The following ERC2 variants were observed in gnomAD, a reference collection of about 807,000 sequenced individuals.
ERC2 encodes the protein ERC protein 2.
Under a neutral mutation model 114.8 loss-of-function variants are expected in ERC2, and 42 were observed. The ratio of observed to expected loss-of-function variants is 0.37; its 90% CI spans 0.29 to 0.47. The LOEUF is 0.47. ERC2 is among the 20% of genes least tolerant of loss of function. The probability of loss-of-function intolerance (pLI) is 0.99; values close to 1 mark genes in which losing one functional copy is unlikely to be tolerated. For synonymous variants in ERC2, 454 were observed against 425.5 expected, an observed-to-expected ratio of 1.07 and a Z score of -0.82; for missense variants, 939 against 1,150.7, an observed-to-expected ratio of 0.82 and a Z score of 2.66.
chr3:56,142,097 T>A (rs1046931070), intron 5 of ERC2, among the ~76,000 whole-genome samples: 1 of 152,178 alleles, frequency 6.6e-6, no homozygotes, highest in Non-Finnish European at 1.5e-5. Context: ...TACTTACTAA[T>A]CCACTTTTAA....
At chr3:55,609,697 C>T (rs1199931393) in intron 17 of ERC2, among the ~76,000 whole-genome samples, 1 of 152,076 alleles carries the variant, frequency 6.6e-6, no homozygotes, top group Non-Finnish European at 1.5e-5. Flanking sequence ...AGGCCTGCCT[C>T]CTGCTTGCGA....
At chr3:55,891,823 C>T (rs987996327) in intron 13 of ERC2, among the ~76,000 whole-genome samples, 4 of 152,164 alleles carry the variant, frequency 2.6e-5, no homozygotes, top group Admixed American at 1.3e-4. Context: ...GTTATTCTTG[C>T]GGTCCCATGG....
intron 2 of ERC2, among the ~76,000 whole-genome samples, chr3:56,413,329 C>T (rs1422806030): frequency 6.6e-6 from 1 of 152,232 alleles, no homozygotes; most frequent in Non-Finnish European, 1.5e-5. Flanking sequence ...TATTCTTTCA[C>T]TTCTGGGCAT....
At chr3:55,827,634 T>G (rs1353173456) in intron 14 of ERC2, among the ~76,000 whole-genome samples, 1 of 152,202 alleles carries the variant, frequency 6.6e-6, no homozygotes, top group Non-Finnish European at 1.5e-5. Context: ...TTGGGCACAA[T>G]GTAAATCAAG....
At chr3:56,016,075 T>A (rs1307453532) in intron 8 of ERC2, among the ~76,000 whole-genome samples, 1 of 152,206 alleles carries the variant, frequency 6.6e-6, no homozygotes, top group Non-Finnish European at 1.5e-5. Flanking sequence ...CTTGTAAACT[T>A]GTTTAAGTTC....
At chr3:55,931,976 T>A (rs1425388360) in intron 13 of ERC2, among the ~76,000 whole-genome samples, 1 of 152,222 alleles carries the variant, frequency 6.6e-6, no homozygotes, top group Non-Finnish European at 1.5e-5. Flanking sequence ...ATTCTATAAC[T>A]TAACTATGGA....
In ERC2 at chr3:55,768,196, T is replaced by C. The variant is rs190561833; in HGVS notation, c.2565-33278A>G. 1.8e-3 allele frequency among the ~76,000 whole-genome samples: 270 copies of C among 152,352 alleles called. 2 individuals carry two copies. The highest frequency in any genetic ancestry group is 2.1e-3 in the Non-Finnish European group (142 of 68,042). ...CAATTAAACCTCTTTTCTGTATAAA[T>C]TACCTAGTTTTAGGTATTTGTTTAT... On this transcript the variant is annotated intron_variant, in intron 14 of 17. Transcript: ENST00000288221.
At chr3:56,325,791 T>C (rs1178216554) in intron 2 of ERC2, among the ~76,000 whole-genome samples, 1 of 152,188 alleles carries the variant, frequency 6.6e-6, no homozygotes, top group Non-Finnish European at 1.5e-5. Context: ...ATGATTACCA[T>C]CCCCTTTCTA....
At position 55,570,501 on chromosome 3, in the gene ERC2, C is replaced by T. The variant is rs564325474; in HGVS notation, c.*40-59225G>A. Among the ~76,000 whole-genome samples, 3 of 152,180 alleles carry T rather than the reference C, an allele frequency of 2.0e-5. No homozygotes were observed. The South Asian group carries it at 6.2e-4, about 32-fold the overall frequency. ...CAAATGGTCTGGGATGAGGTGAGTGCAGAGGGAGGGCCAGGGGGAGCTGCA... is the reference window on the plus strand; with the variant it reads ...CAAATGGTCTGGGATGAGGTGAGTGTAGAGGGAGGGCCAGGGGGAGCTGCA... On this transcript the variant is annotated intron_variant, in intron 17 of 17. Coordinates refer to ENST00000288221, the MANE Select transcript of ERC2 (RefSeq NM_015576.3).
At chr3:55,963,614 G>A (rs2068543377) in intron 12 of ERC2, among the ~76,000 whole-genome samples, 1 of 152,140 alleles carries the variant, frequency 6.6e-6, no homozygotes, top group African/African-American at 2.4e-5. Flanking sequence ...TTAAAAAAAT[G>A]GAATCTGAAC....
chr3:55,875,724 A>ACACACACT (rs1491351730), intron 14 of ERC2, among the ~76,000 whole-genome samples: 1 of 141,024 alleles, frequency 7.1e-6, no homozygotes, highest in East Asian at 2.1e-4. Context: ...ACACACACAC[A>ACACACACT]CTCTCTCTCT....
In ERC2 at chr3:56,332,995, G is replaced by C. The variant is rs535068454; in HGVS notation, c.658-36560C>G. Among the ~76,000 whole-genome samples, 5 of 152,342 alleles carry C rather than the reference G, an allele frequency of 3.3e-5. No individual in the cohort carries two copies. The East Asian group carries it at 9.6e-4, about 29-fold the overall frequency. ...ACAGAGAATTTCTCAACAAAGAAAT[G>C]AATTCTTAGGAGAAATAAGTTAAAC... is the stretch of plus-strand genomic sequence containing the variant. On this transcript the variant is annotated intron_variant, in intron 2 of 17. Coordinates refer to ENST00000288221, the MANE Select transcript of ERC2 (RefSeq NM_015576.3).
At chr3:56,320,207 A>G (rs748799504) in intron 2 of ERC2, among the ~76,000 whole-genome samples, 4 of 152,228 alleles carry the variant, frequency 2.6e-5, no homozygotes, top group Non-Finnish European at 4.4e-5. Flanking sequence ...AGAGATTTCA[A>G]AAACAACCAT....
intron 17 of ERC2, among the ~76,000 whole-genome samples, chr3:55,653,813 C>A (rs1056705660): frequency 1.3e-5 from 2 of 152,202 alleles, no homozygotes; most frequent in African/African-American, 4.8e-5. Flanking sequence ...ACTATTGGTG[C>A]GCTCTCTATG....
At chr3:55,670,918 T>C (rs1051462900) in intron 17 of ERC2, among the ~76,000 whole-genome samples, 8 of 152,196 alleles carry the variant, frequency 5.3e-5, no homozygotes, top group Admixed American at 2.6e-4. Context: ...TAGTTTACAG[T>C]GGAACACAGC....
chr3:56,138,082 C>T (rs1481083980), intron 6 of ERC2, among the ~76,000 whole-genome samples: 3 of 101,088 alleles, frequency 3.0e-5, no homozygotes, highest in African/African-American at 3.9e-5. Context: ...TTTTTTGAGA[C>T]GAAGTCTCAC....
intron 7 of ERC2, among the ~76,000 whole-genome samples, chr3:56,051,826 AACACACACACACAC>A (rs370057271): frequency 0.12 from 15,112 of 130,066 alleles, 970 homozygotes; most frequent in South Asian, 0.23. Context: ...CTCCATCTCA[AACACACACACACAC>A]ACACACACAC....
chr3:56,226,286 C>A (rs1050484317), intron 3 of ERC2, among the ~76,000 whole-genome samples: 2 of 152,172 alleles, frequency 1.3e-5, no homozygotes, highest in Non-Finnish European at 2.9e-5. Flanking sequence ...TAATCCTCTG[C>A]AAGGAACCGA....
chr3:55,695,278 A>T (rs2062868528), intron 16 of ERC2, among the ~76,000 whole-genome samples: 1 of 152,106 alleles, frequency 6.6e-6, no homozygotes, highest in Admixed American at 6.5e-5. Flanking sequence ...GTGTCATGGG[A>T]AATATTTGTT....
Sources: allele counts gnomAD v4.1 joint callset (sites outside exome capture counted in the v4.1 genomes callset), GRCh38; gene constraint gnomAD v4.1.1; transcripts MANE v1.5; gene names NCBI Gene and HGNC (gene_info 2026-07-23, HGNC 2026-07-21).